The following UBE2QL1 variants were observed in gnomAD, a reference collection of about 807,000 sequenced individuals.
UBE2QL1 encodes the protein ubiquitin conjugating enzyme E2 QL1, also known as ubiquitin-conjugating enzyme E2Q-like protein 1.
UBE2QL1 carries 5 observed loss-of-function variants against 12.6 expected under a neutral mutation model. That is an observed-to-expected ratio of 0.40 (90% confidence interval 0.21 to 0.83). The LOEUF is 0.83. Ranked by LOEUF, UBE2QL1 falls within the 40% of genes least tolerant of loss-of-function variation. The pLI, the probability that UBE2QL1 is intolerant of heterozygous loss-of-function variation, is 0.37. For synonymous variants in UBE2QL1, 96 were observed against 94.5 expected, an observed-to-expected ratio of 1.02 and a Z score of -0.10; for missense variants, 99 against 222.6, an observed-to-expected ratio of 0.44 and a Z score of 3.53.
chr5:6,451,961 C>A (rs1490653046), intron 1 of UBE2QL1, among the ~76,000 whole-genome samples: 1 of 152,162 alleles, frequency 6.6e-6, no homozygotes, highest in Non-Finnish European at 1.5e-5. Flanking sequence ...CCGATAATTA[C>A]TTTAAAAGGG....
intron 1 of UBE2QL1, among the ~76,000 whole-genome samples, chr5:6,469,785 C>T (rs1294043632): frequency 6.6e-6 from 1 of 151,910 alleles, no homozygotes; most frequent in Admixed American, 6.6e-5. Context: ...CCAAAAAAGC[C>T]AATTAAATGG....
intron 1 of UBE2QL1, among the ~76,000 whole-genome samples, chr5:6,465,998 C>A (rs272481): frequency 2.6e-5 from 4 of 151,744 alleles, no homozygotes; most frequent in African/African-American, 7.3e-5. Context: ...GACCTCCCTC[C>A]CCTCACACTC....
At chr5:6,489,073 A>G (rs1422949845) in intron 1 of UBE2QL1, among the ~76,000 whole-genome samples, 10 of 152,114 alleles carry the variant, frequency 6.6e-5, no homozygotes, top group Non-Finnish European at 2.9e-5. Flanking sequence ...ATTTCCTGTC[A>G]TCTTTTCCTC....
intron 1 of UBE2QL1, among the ~76,000 whole-genome samples, chr5:6,451,656 T>C (rs1394840389): frequency 6.6e-6 from 1 of 152,052 alleles, no homozygotes; most frequent in Non-Finnish European, 1.5e-5. Flanking sequence ...CATACAGCTG[T>C]CTAAGAGAGG....
At chr5:6,483,513 T>C (rs1018030057) in intron 1 of UBE2QL1, among the ~76,000 whole-genome samples, 2 of 152,032 alleles carry the variant, frequency 1.3e-5, no homozygotes, top group African/African-American at 4.8e-5. Flanking sequence ...AAGGATCGTG[T>C]TCCCTGCATG....
intron 1 of UBE2QL1, among the ~76,000 whole-genome samples, chr5:6,488,474 C>T (rs888737184): frequency 1.4e-5 from 2 of 146,108 alleles, no homozygotes; most frequent in African/African-American, 5.0e-5. Context: ...AAAAAAAAAT[C>T]AACCCTTGAT....
At chr5:6,464,747 T>A (rs954939822) in intron 1 of UBE2QL1, among the ~76,000 whole-genome samples, 4 of 152,214 alleles carry the variant, frequency 2.6e-5, no homozygotes, top group Non-Finnish European at 4.4e-5. Flanking sequence ...GAATTTTAAA[T>A]GCCTTAATGA....
intron 1 of UBE2QL1, among the ~76,000 whole-genome samples, chr5:6,483,332 G>GGGAGGCTGAAGCA (rs1734401314): frequency 6.6e-6 from 1 of 152,152 alleles, no homozygotes; most frequent in African/African-American, 2.4e-5. Flanking sequence ...CCAGCTACTT[G>GGGAGGCTGAAGCA]GGAGGCTGAA....
chr5:6,474,171 G>C (rs540384498), intron 1 of UBE2QL1, among the ~76,000 whole-genome samples: 6 of 152,378 alleles, frequency 3.9e-5, no homozygotes, highest in African/African-American at 1.4e-4. Flanking sequence ...GGGCTAAAAT[G>C]ATGTTGCCTG....
chr5:6,454,698 C>T (rs4702353), intron 1 of UBE2QL1, among the ~76,000 whole-genome samples: 55,020 of 152,020 alleles, frequency 0.36, 10,454 homozygotes, highest in East Asian at 0.44. Context: ...GCTGCACACC[C>T]GGAGGGAAGC....
chr5:6,456,954 C>G (rs941718529), intron 1 of UBE2QL1, among the ~76,000 whole-genome samples: 1 of 151,890 alleles, frequency 6.6e-6, no homozygotes, highest in African/African-American at 2.4e-5. Context: ...GCTCTCCTCT[C>G]CCGCTCTCTT....
At chr5:6,484,646 T>G (rs949318035) in intron 1 of UBE2QL1, among the ~76,000 whole-genome samples, 3 of 152,108 alleles carry the variant, frequency 2.0e-5, no homozygotes, top group African/African-American at 7.2e-5. Flanking sequence ...GCGGACGGTG[T>G]GGGGACTCAG....
At chr5:6,462,337 G>A (rs1187349952) in intron 1 of UBE2QL1, among the ~76,000 whole-genome samples, 6 of 152,178 alleles carry the variant, frequency 3.9e-5, no homozygotes, top group Non-Finnish European at 8.8e-5. Context: ...GCAAGGCAAG[G>A]CCCCCACCCC....
At chr5:6,464,675 G>A (rs548072936) in intron 1 of UBE2QL1, among the ~76,000 whole-genome samples, 6 of 152,364 alleles carry the variant, frequency 3.9e-5, no homozygotes, top group East Asian at 1.9e-4. Context: ...AGGGAGGGCC[G>A]TGTCTGCCTT....
chr5:6,473,727 G>A (rs911297663), intron 1 of UBE2QL1, among the ~76,000 whole-genome samples: 1 of 152,210 alleles, frequency 6.6e-6, no homozygotes, highest in Non-Finnish European at 1.5e-5. Context: ...GGCAAACAAA[G>A]CCAGCACAAA....
chr5:6,455,012 G>T (rs1385847475), intron 1 of UBE2QL1, among the ~76,000 whole-genome samples: 1 of 152,224 alleles, frequency 6.6e-6, no homozygotes, highest in African/African-American at 2.4e-5. Context: ...CAGCAGCTCA[G>T]CCCGGGGTGC....
At position 6,491,392 on chromosome 5, in the gene UBE2QL1, C is replaced by A; in HGVS notation, c.*43C>A. The A allele has an allele frequency of 6.6e-7, 1 of 1,514,652 alleles. No homozygotes were observed. Among genetic ancestry groups the A allele is most frequent in the Non-Finnish European group, 8.8e-7 (1 of 1,131,368 alleles). 93.8% of individuals were successfully genotyped at this position (1,514,652 alleles called of 1,614,324 possible). On this transcript the variant is annotated 3_prime_UTR_variant, in exon 2 of 2. Coordinates refer to ENST00000399816, the MANE Select transcript of UBE2QL1 (RefSeq NM_001145161.3). ...AGACGCTCGAGCGCCTGTCCACACA[C>A]ACACCAGTACCCTGACATCTCCTCA...
intron 1 of UBE2QL1, among the ~76,000 whole-genome samples, chr5:6,461,543 A>G (rs824626): frequency 0.052 from 2,212 of 42,262 alleles, 444 homozygotes; most frequent in Non-Finnish European, 0.065. Flanking sequence ...AGCACCCACC[A>G]CCCCCCCCCG....
In UBE2QL1 at chr5:6,449,008, G is replaced by A; in HGVS notation, c.115G>A (p.Val39Met). ...GCTGCACCAGGTGGACAAGGACTCG[G>A]TGCTGTGGCAGGACATGAAGGAGAC... ...VKLHQVDKDS[V>M]LWQDMKETNT... The change falls in exon 1 of 2, where the codon GTG becomes ATG. Residue 39 changes from valine (V) to methionine (M), a missense_variant. Val to Met is a conservative substitution (Grantham distance 21). Coordinates refer to ENST00000399816, the MANE Select transcript of UBE2QL1 (RefSeq NM_001145161.3). 1.3e-6 allele frequency: 2 copies of A among 1,549,642 alleles called. No homozygotes were observed. Among genetic ancestry groups the A allele is most frequent in the Non-Finnish European group, 1.7e-6 (2 of 1,146,170 alleles).
Sources: allele counts gnomAD v4.1 joint callset (sites outside exome capture counted in the v4.1 genomes callset), GRCh38; gene constraint gnomAD v4.1.1; transcripts MANE v1.5; gene names NCBI Gene and HGNC (gene_info 2026-07-23, HGNC 2026-07-21).